The following MALAT1 variants were observed in gnomAD, a reference collection of about 807,000 sequenced individuals.
MALAT1 encodes metastasis associated lung adenocarcinoma transcript 1, also known as hepcarcin.
At chr11:65,506,360 TA>T in exon 4 of MALAT1, 1 of 452,462 alleles carries the variant, frequency 2.2e-6, no homozygotes, top group South Asian at 1.7e-5. Context: ...CACGAGAACC[TA>T]ATATAACTGC....
At chr11:65,498,938 C>A (rs1383938822) in intron 2 of MALAT1, 2 of 518,580 alleles carry the variant, frequency 3.9e-6, no homozygotes, top group Non-Finnish European at 7.7e-6. Context: ...TATTTTTAAC[C>A]GAAGAACTAC....
At chr11:65,504,418 T>G (rs754713220) in intron 3 of MALAT1, 3 of 518,878 alleles carry the variant, frequency 5.8e-6, no homozygotes, top group Non-Finnish European at 3.8e-6. Flanking sequence ...GCTATTAGAA[T>G]GCATTGTGAA....
exon 3 of MALAT1, chr11:65,499,623 A>G (rs1046364326): frequency 2.2e-6 from 1 of 445,704 alleles, no homozygotes; most frequent in Non-Finnish European, 4.5e-6. Flanking sequence ...TGGGAGTGGT[A>G]GGATGAAACA....
intron 3 of MALAT1, chr11:65,504,445 T>A (rs558761717): frequency 1.9e-6 from 1 of 518,926 alleles, no homozygotes; most frequent in South Asian, 1.4e-5. Context: ...GGAGTATGAT[T>A]AAAAGTTGTG....
chr11:65,504,848 G>GGGCC (rs780648513), intron 3 of MALAT1: 1 of 518,916 alleles, frequency 1.9e-6, no homozygotes, highest in Admixed American at 1.9e-5. Flanking sequence ...CGTATGCGAA[G>GGGCC]GGCCAGAGAA....
exon 3 of MALAT1, chr11:65,502,186 G>A (rs755275510): frequency 7.7e-6 from 4 of 518,410 alleles, no homozygotes; most frequent in South Asian, 1.4e-5. Context: ...GTATTGAACT[G>A]GGGGTTGGTC....
chr11:65,505,149 G>A (rs767167345), intron 3 of MALAT1: 1 of 519,020 alleles, frequency 1.9e-6, no homozygotes, highest in Admixed American at 1.9e-5. Context: ...GGGTGGAGGG[G>A]TGAGGTGGGC....
rs529450399 is a variant in MALAT1 at position 65,501,171 on chromosome 11, T to C, written n.2434T>C. On this transcript the variant is annotated non_coding_transcript_exon_variant, in exon 3 of 4. Coordinates refer to ENST00000619449, the Ensembl canonical transcript of MALAT1. Reference sequence around the variant, plus strand: ...TTTTTACTTCCTCACCCTGAATTCGTTTTGTAAATGTAGAGTTTGGATGTG... The same window carrying C: ...TTTTTACTTCCTCACCCTGAATTCGCTTTGTAAATGTAGAGTTTGGATGTG... 4.0e-4 allele frequency: 206 copies of C among 516,518 alleles called. 1 individual carries two copies. The highest frequency in any genetic ancestry group is 8.7e-4 in the South Asian group (62 of 71,310). The allele number at this position is 516,518 out of a possible 1,614,324, so 32.0% of individuals were successfully genotyped here. A position where few individuals can be genotyped will look rare whatever the true frequency, so the allele number is the denominator to read the frequency against.
chr11:65,500,392 G>C (rs775983086), exon 3 of MALAT1: 2 of 518,836 alleles, frequency 3.9e-6, no homozygotes, highest in Non-Finnish European at 3.8e-6. Context: ...ATTGACAGCT[G>C]ACCCAGGTGC....
intron 1 of MALAT1, chr11:65,498,220 T>C: frequency 1.9e-6 from 1 of 518,922 alleles, no homozygotes; most frequent in East Asian, 5.4e-5. Context: ...ATTCGCTTAG[T>C]TGGTCTACTT....
chr11:65,501,327 A>G (rs767307726), exon 3 of MALAT1: 2 of 518,848 alleles, frequency 3.9e-6, no homozygotes, highest in East Asian at 5.4e-5. Flanking sequence ...ACAGAAAACA[A>G]GAAAATCCAA....
At position 65,503,386 on chromosome 11, in the gene MALAT1, G is replaced by GTACA. The variant is rs777801283; in HGVS notation, n.4650_4653dup. 7.7e-5 allele frequency: 40 copies of GTACA among 518,168 alleles called. 1 individual carries two copies. In the Middle Eastern group the frequency reaches 1.6e-3, roughly 21 times the overall value. The allele number at this position is 518,168 out of a possible 1,614,324, so 32.1% of individuals were successfully genotyped here. A position where few individuals can be genotyped will look rare whatever the true frequency, so the allele number is the denominator to read the frequency against. ...TCCTGTGGGCTTCAGTGATGGGATA[G>GTACA]TACACTTCACTCAGAGGCATTTGCA... On this transcript the variant is annotated non_coding_transcript_exon_variant, in exon 3 of 4. Coordinates refer to ENST00000619449, the Ensembl canonical transcript of MALAT1.
At chr11:65,498,119 C>T (rs773030403) in intron 1 of MALAT1, 54 of 518,874 alleles carry the variant, frequency 1.0e-4, no homozygotes, top group Non-Finnish European at 1.2e-4. Flanking sequence ...AAACAAAAAC[C>T]CCTAAAAAAG....
chr11:65,505,634 TGTG>T (rs1274862287), intron 3 of MALAT1: 2 of 518,866 alleles, frequency 3.9e-6, no homozygotes, highest in Non-Finnish European at 7.7e-6. Context: ...CTTGGATCCT[TGTG>T]GGCATGATCC....
intron 3 of MALAT1, chr11:65,506,236 G>A (rs780839144): frequency 2.2e-6 from 1 of 457,760 alleles, no homozygotes; most frequent in South Asian, 1.6e-5. Context: ...CTCTGCAGGT[G>A]CTAGTTCTTG....
At chr11:65,502,271 CTT>C (rs750840991) in exon 3 of MALAT1, 17 of 518,010 alleles carry the variant, frequency 3.3e-5, no homozygotes, top group Admixed American at 2.1e-4. Flanking sequence ...GTGTGGTTCT[CTT>C]TTGGAATTTT....
chr11:65,499,503 TA>T, exon 3 of MALAT1: 1 of 464,876 alleles, frequency 2.2e-6, no homozygotes, highest in Non-Finnish European at 4.3e-6. Context: ...AAAAAGAGAT[TA>T]AACCGAAGGT....
chr11:65,498,594 C>G (rs376767383), intron 1 of MALAT1: 5 of 518,710 alleles, frequency 9.6e-6, no homozygotes, highest in African/African-American at 3.8e-5. Flanking sequence ...CATTTTGCCA[C>G]TTCTCAACCG....
At chr11:65,499,807 CAAA>C (rs572753706) in exon 3 of MALAT1, 127 of 416,878 alleles carry the variant, frequency 3.0e-4, no homozygotes, top group Non-Finnish European at 5.0e-4. Flanking sequence ...AGCTAGGAAA[CAAA>C]AAGCTAAGGG....
Sources: gnomAD v4.1 joint callset for allele counts on GRCh38, gnomAD v4.1.1 for gene constraint, MANE v1.5 for transcripts, NCBI Gene and HGNC (gene_info 2026-07-23, HGNC 2026-07-21) for gene names.